AK3: variants seen among roughly 807,000 people sequenced by gnomAD.
AK3 encodes adenylate kinase 3.
A neutral mutation model predicts 23.7 loss-of-function variants in AK3; 27 were observed. The observed-to-expected ratio is 1.14, with a 90% CI of 0.84 to 1.57. The LOEUF is 1.57. Ranked by LOEUF, AK3 falls within the 40% of genes most tolerant of loss-of-function variation. The pLI, the probability that AK3 is intolerant of heterozygous loss-of-function variation, is 0.00. For missense variants in AK3, 406 were observed against 285.6 expected (o/e 1.42, Z -3.04); for synonymous variants, 159 against 116.0 (o/e 1.37, Z -2.38).
intron 1 of AK3, among the ~76,000 whole-genome samples, chr9:4,739,021 G>A (rs149619243): frequency 2.6e-5 from 4 of 151,860 alleles, no homozygotes; most frequent in Non-Finnish European, 5.9e-5. Context: ...TGACCTGCCC[G>A]ACTCAGCCCC....
At chr9:4,735,760 T>A (rs1046527645) in intron 1 of AK3, among the ~76,000 whole-genome samples, 1 of 142,150 alleles carries the variant, frequency 7.0e-6, no homozygotes, top group African/African-American at 2.6e-5. Context: ...TGAGCCACCA[T>A]GCCTGGCCAA....
At chr9:4,741,314 C>G (rs1278247173), upstream of AK3, 1 of 414,182 alleles carries the variant, frequency 2.4e-6, no homozygotes, top group East Asian at 3.9e-5. Context: ...CCCCCCGCCC[C>G]CGACCGAGCG....
At chr9:4,721,612 T>C (rs747863992) in intron 2 of AK3, among the ~76,000 whole-genome samples, 13 of 152,032 alleles carry the variant, frequency 8.6e-5, no homozygotes, top group Non-Finnish European at 1.5e-4. Flanking sequence ...GTGTGCGCCA[T>C]CACGCCCGGC....
At chr9:4,726,137 A>T (rs1486849423) in intron 1 of AK3, among the ~76,000 whole-genome samples, 1 of 152,242 alleles carries the variant, frequency 6.6e-6, no homozygotes, top group African/African-American at 2.4e-5. Flanking sequence ...CTGAGCCTTC[A>T]GAGAGTCTTA....
At chr9:4,725,820 C>T (rs1842011378) in intron 1 of AK3, among the ~76,000 whole-genome samples, 1 of 152,256 alleles carries the variant, frequency 6.6e-6, no homozygotes, top group South Asian at 2.1e-4. Flanking sequence ...AACACATGAT[C>T]AACGTCCTTA....
At chr9:4,718,788 A>C (rs1841807468) in intron 3 of AK3, among the ~76,000 whole-genome samples, 1 of 152,244 alleles carries the variant, frequency 6.6e-6, no homozygotes, top group Non-Finnish European at 1.5e-5. Flanking sequence ...CCTCTAAGTA[A>C]GTTCATATAT....
chr9:4,735,572 G>A (rs1587659589), intron 1 of AK3, among the ~76,000 whole-genome samples: 1 of 145,308 alleles, frequency 6.9e-6, no homozygotes, highest in African/African-American at 2.6e-5. Flanking sequence ...CCGCCTCCTG[G>A]GCTTAAGCCA....
At chr9:4,731,614 G>C (rs1465741261) in intron 1 of AK3, among the ~76,000 whole-genome samples, 1 of 150,042 alleles carries the variant, frequency 6.7e-6, no homozygotes, top group Admixed American at 6.6e-5. Flanking sequence ...CTGAGTCTAA[G>C]CAGTTAACAT....
At chr9:4,713,428 C>T (rs1841615703) in intron 4 of AK3, among the ~76,000 whole-genome samples, 1 of 152,152 alleles carries the variant, frequency 6.6e-6, no homozygotes, top group East Asian at 1.9e-4. Context: ...CTCAAATTTT[C>T]TTATTTTACT....
chr9:4,728,978 CATATAT>C lies in AK3; in HGVS notation c.152-6359_152-6354del, dbSNP rs1251640576. 6.5e-4 allele frequency among the ~76,000 whole-genome samples: 86 copies of C among 131,332 alleles called. 1 individual carries two copies. The highest frequency in any genetic ancestry group is 4.7e-3 in the Admixed American group (59 of 12,468). 86.2% of individuals were successfully genotyped at this position (131,332 alleles called of 152,430 possible). On this transcript the variant is annotated intron_variant, in intron 1 of 4. Coordinates refer to ENST00000381809, the MANE Select transcript of AK3 (RefSeq NM_016282.4). ...ATATACACATACATATATATACCTA[CATATAT>C]ATACACACACACACATATATATATA...
chr9:4,723,481 G>A (rs1207996343), intron 1 of AK3, among the ~76,000 whole-genome samples: 1 of 152,084 alleles, frequency 6.6e-6, no homozygotes, highest in Non-Finnish European at 1.5e-5. Context: ...AAACACTCTG[G>A]AAAATGATTT....
At chr9:4,738,203 T>C (rs1408157583) in intron 1 of AK3, among the ~76,000 whole-genome samples, 1 of 152,242 alleles carries the variant, frequency 6.6e-6, no homozygotes, top group Non-Finnish European at 1.5e-5. Flanking sequence ...TCCGCTCTTT[T>C]CACCTAGGCT....
intron 2 of AK3, among the ~76,000 whole-genome samples, chr9:4,720,553 G>C (rs1841868249): frequency 6.6e-6 from 1 of 151,956 alleles, no homozygotes; most frequent in Non-Finnish European, 1.5e-5. Context: ...AGCAGGGCGT[G>C]GTGGTGCATG....
intron 1 of AK3, among the ~76,000 whole-genome samples, chr9:4,737,216 A>G (rs1288882346): frequency 6.8e-6 from 1 of 147,252 alleles, no homozygotes; most frequent in East Asian, 2.2e-4. Context: ...TACAGCTTTC[A>G]TGTGCTAGAT....
At chr9:4,720,133 G>C (rs1841856077) in intron 2 of AK3, among the ~76,000 whole-genome samples, 2 of 152,042 alleles carry the variant, frequency 1.3e-5, no homozygotes, top group African/African-American at 4.8e-5. Flanking sequence ...TCCAGCTAAA[G>C]GAAAACTATT....
At chr9:4,714,927 G>T (rs1351002311) in intron 4 of AK3, among the ~76,000 whole-genome samples, 3 of 152,136 alleles carry the variant, frequency 2.0e-5, no homozygotes, top group Non-Finnish European at 4.4e-5. Context: ...AGAATGAAAA[G>T]ACTGAATTCG....
chr9:4,723,339 G>A (rs1217380050), intron 1 of AK3, among the ~76,000 whole-genome samples: 1 of 152,146 alleles, frequency 6.6e-6, no homozygotes, highest in Non-Finnish European at 1.5e-5. Flanking sequence ...ATTTTGAAAT[G>A]ATTCAGTTTA....
chr9:4,728,986 T>TAC lies in AK3; in HGVS notation c.152-6363_152-6362dup, dbSNP rs775316557. On this transcript the variant is annotated intron_variant, in intron 1 of 4. Transcript: ENST00000381809. The stretch of plus-strand genomic sequence containing the variant: ...ATACATATATATACCTACATATATA[T>TAC]ACACACACACACATATATATATATA... Among the ~76,000 whole-genome samples, 261 of 84,052 alleles carry TAC rather than the reference T, an allele frequency of 3.1e-3. 4 individuals are homozygous for TAC. Among genetic ancestry groups the TAC allele is most frequent in the East Asian group, 9.1e-3 (29 of 3,200 alleles). The allele number at this position is 84,052 out of a possible 152,430, so 55.1% of individuals were successfully genotyped here.
Position 4,712,123 on chromosome 9 carries a change from T to G in AK3, c.*853A>C, listed in dbSNP as rs1274512441. The G allele has an allele frequency of 4.6e-5, 7 of 152,126 alleles. No homozygotes were observed. In the East Asian group the frequency reaches 9.6e-4, roughly 21 times the overall value. The allele number at this position is 152,126 out of a possible 1,614,324, so 9.4% of individuals were successfully genotyped here. ...TTATTTATCAGGGCAGATCACACAT[T>G]TGGATCAAAAAGAAAAACCAGCAAG... is the stretch of plus-strand genomic sequence containing the variant. On this transcript the variant is annotated 3_prime_UTR_variant, in exon 5 of 5. Transcript: ENST00000381809.
Sources: gnomAD v4.1 joint callset for allele counts (sites outside exome capture counted in the v4.1 genomes callset) on GRCh38, gnomAD v4.1.1 for gene constraint, MANE v1.5 for transcripts, NCBI Gene and HGNC (gene_info 2026-07-23, HGNC 2026-07-21) for gene names.